The following PCDHGB3 variants were observed in gnomAD, a reference collection of about 807,000 sequenced individuals.
PCDHGB3 encodes the protein protocadherin gamma-B3.
A neutral mutation model predicts 59.2 loss-of-function variants in PCDHGB3; 40 were observed. The ratio of observed to expected loss-of-function variants is 0.68; its 90% confidence interval spans 0.52 to 0.88. The LOEUF (loss-of-function observed/expected upper bound fraction) is 0.88. PCDHGB3 is among the 40% of genes least tolerant of loss of function. The pLI is 0.00. For synonymous variants in PCDHGB3, 581 were observed against 503.6 expected, an observed-to-expected ratio of 1.15 and a Z score of -2.06; for missense variants, 1,309 against 1,187.9, an observed-to-expected ratio of 1.10 and a Z score of -1.50.
Position 141,477,310 on chromosome 5 carries a change from C to T in PCDHGB3, c.2416-17497C>T. On this transcript the variant is annotated intron_variant, in intron 1 of 3. Coordinates refer to ENST00000576222, the MANE Select transcript of PCDHGB3 (RefSeq NM_018924.5). This position sits in a 1 kb window ranked among gnomAD's most constrained non-coding sequence, Gnocchi z 4.9. ...AAGTTCCACCGGGTCTCCCTTTCAGCCTTACTTCTTCCCTCAAGAATTACT... is the reference window on the plus strand; with the variant it reads ...AAGTTCCACCGGGTCTCCCTTTCAGTCTTACTTCTTCCCTCAAGAATTACT... The T allele has an allele frequency of 6.2e-7, 1 of 1,614,154 alleles. No homozygotes were observed. Among genetic ancestry groups the T allele is most frequent in the Non-Finnish European group, 8.5e-7 (1 of 1,180,018 alleles).
rs761468303 is a variant in PCDHGB3 at position 141,421,659 on chromosome 5, T to C, written c.2415+48850T>C. 4 of 1,613,700 alleles carry C rather than the reference T, an allele frequency of 2.5e-6. No individual in the cohort carries two copies. The Admixed American group carries it at 6.7e-5, about 27-fold the overall frequency. On this transcript the variant is annotated intron_variant, in intron 1 of 3. Transcript: ENST00000576222. ...AGGACGAAGTGGAGATAAAAGTCAG[T>C]GAGCACGCAATTCCTGGGGCGCGAT...
chr5:141,421,309 C>T (rs781110850), intron 1 of PCDHGB3: 9 of 1,613,516 alleles, frequency 5.6e-6, no homozygotes, highest in Admixed American at 1.7e-5. Context: ...GCGGGGGTTC[C>T]GGGCCAGGCA....
chr5:141,422,901 C>T (rs768086403), intron 1 of PCDHGB3: 5 of 1,614,276 alleles, frequency 3.1e-6, no homozygotes, highest in Non-Finnish European at 4.2e-6. Context: ...ACCAGAACGA[C>T]AATGCGCCCG....
At chr5:141,372,937 GGGTGTCTAGGA>G (rs538849819) in intron 1 of PCDHGB3, 128 bp downstream of exon 1, 1 of 831,292 alleles carries the variant, frequency 1.2e-6, no homozygotes, top group East Asian at 2.7e-5. Flanking sequence ...GTGTAGAGTA[GGGTGTCTAGGA>G]AATTCTTTGT....
chr5:141,374,126 C>T, intron 1 of PCDHGB3: 1 of 1,602,982 alleles, frequency 6.2e-7, no homozygotes, highest in Middle Eastern at 1.7e-4. Flanking sequence ...CGAGCAGGTC[C>T]TGCTCCTCAC....
intron 1 of PCDHGB3, among the ~76,000 whole-genome samples, chr5:141,430,204 AATT>A (rs1179966513): frequency 6.6e-6 from 1 of 151,962 alleles, no homozygotes; most frequent in African/African-American, 2.4e-5. Context: ...AGAAAGTTTA[AATT>A]ATTATATTAT....
Position 141,393,770 on chromosome 5 carries a change from A to G in PCDHGB3, c.2415+20961A>G, listed in dbSNP as rs372280460. 83 of 1,613,864 alleles carry G rather than the reference A, an allele frequency of 5.1e-5. 1 individual carries two copies. Among genetic ancestry groups the G allele is most frequent in the Middle Eastern group, 1.6e-4 (1 of 6,084 alleles). On this transcript the variant is annotated intron_variant, in intron 1 of 3. Transcript: ENST00000576222. ...AATGTTCATTTTATGAAATGGAAAT[A>G]CAAGCCGAAGATGTGGGGGCACTTC... is the stretch of plus-strand genomic sequence containing the variant.
chr5:141,370,971 G>T lies in PCDHGB3; in HGVS notation c.577G>T (p.Glu193Ter). The T allele has an allele frequency of 6.2e-7, 1 of 1,614,016 alleles. No homozygotes were observed. The highest frequency in any genetic ancestry group is 8.5e-7 in the Non-Finnish European group (1 of 1,179,898). ...GAACCTGGATGGCAGTAGGTACCCAGAGCTAGTACTGAAAGCACCCCTGGA... is the reference window on the plus strand; with the variant it reads ...GAACCTGGATGGCAGTAGGTACCCATAGCTAGTACTGAAAGCACCCCTGGA... The part of the protein sequence containing the change: ...KENLDGSRYP[E>*]LVLKAPLDRE... The change falls in exon 1 of 4, where the codon GAG (glutamate) becomes TAG (stop). Residue 193 changes from glutamate (E) to a stop codon, truncating the protein, a stop_gained. Transcript: ENST00000576222. LOFTEE classifies it high-confidence loss of function.
intron 1 of PCDHGB3, chr5:141,421,647 G>C: frequency 6.2e-7 from 1 of 1,613,872 alleles, no homozygotes; most frequent in South Asian, 1.1e-5. Context: ...ACGAAGTGGA[G>C]ATAAAAGTCA....
At chr5:141,464,600 C>T (rs970370250) in intron 1 of PCDHGB3, among the ~76,000 whole-genome samples, 24 of 152,118 alleles carry the variant, frequency 1.6e-4, no homozygotes, top group Admixed American at 1.1e-3. Flanking sequence ...CCATAGTCTC[C>T]TTTGCAGAGT....
In PCDHGB3 at chr5:141,408,035, C is replaced by T. The variant is rs886766467; in HGVS notation, c.2415+35226C>T. On this transcript the variant is annotated intron_variant, in intron 1 of 3. Transcript: ENST00000576222. ...CAGCCAACAACAGAAAGAAGAAAAC[C>T]AGCTCCCACACAGAGCCTCCCGGCT... 7.1e-6 allele frequency: 8 copies of T among 1,130,910 alleles called. No homozygotes were observed. The African/African-American group carries it at 7.8e-5, about 11-fold the overall frequency. 70.1% of individuals were successfully genotyped at this position (1,130,910 alleles called of 1,614,324 possible).
At position 141,477,572 on chromosome 5, in the gene PCDHGB3, G is replaced by A. The variant is rs375416133; in HGVS notation, c.2416-17235G>A. The A allele has an allele frequency of 6.2e-7, 1 of 1,614,112 alleles. No homozygotes were observed. The highest frequency in any genetic ancestry group is 8.5e-7 in the Non-Finnish European group (1 of 1,180,030). On this transcript the variant is annotated intron_variant, in intron 1 of 3. Coordinates refer to ENST00000576222, the MANE Select transcript of PCDHGB3 (RefSeq NM_018924.5). This position sits in a 1 kb window ranked among gnomAD's most constrained non-coding sequence, Gnocchi z 4.9. ...AAACCTAAGTGTCTGGGACCCCGAC[G>A]CCCCGCAGAATGCTCGGCTTTCTTT...
chr5:141,505,249 G>T, intron 2 of PCDHGB3, 144 bp from the exon 3 acceptor site: 1 of 1,447,748 alleles, frequency 6.9e-7, no homozygotes, highest in Non-Finnish European at 9.2e-7. Flanking sequence ...GATTGTAGAA[G>T]TGCCTCCTAC....
rs193144866 is a variant in PCDHGB3 at position 141,382,042 on chromosome 5, T to C, written c.2415+9233T>C. ...CGGGGTTTCTCCATGTTGGTCAGGC[T>C]GGTCTCAAGCTCCCGACCTCAGGTG... On this transcript the variant is annotated intron_variant, in intron 1 of 3. Coordinates refer to ENST00000576222, the MANE Select transcript of PCDHGB3 (RefSeq NM_018924.5). 9.8e-3 allele frequency among the ~76,000 whole-genome samples: 1,492 copies of C among 152,104 alleles called. 23 individuals carry two copies. Among genetic ancestry groups the C allele is most frequent in the African/African-American group, 0.034 (1,390 of 41,456 alleles).
At chr5:141,433,847 A>AAAAAAAC (rs1296633381) in intron 1 of PCDHGB3, among the ~76,000 whole-genome samples, 1 of 151,976 alleles carries the variant, frequency 6.6e-6, no homozygotes, top group Non-Finnish European at 1.5e-5. Flanking sequence ...CAAAAAAAAA[A>AAAAAAAC]AAAAAAAACT....
At chr5:141,399,183 T>A (rs777520935) in intron 1 of PCDHGB3, 4 of 1,613,764 alleles carry the variant, frequency 2.5e-6, no homozygotes, top group Non-Finnish European at 3.4e-6. Context: ...TTGAAATGAT[T>A]CTGGAAAACG....
intron 1 of PCDHGB3, chr5:141,373,979 C>A: frequency 9.0e-7 from 1 of 1,107,704 alleles, no homozygotes; most frequent in Non-Finnish European, 1.2e-6. Context: ...CGCATCCGGT[C>A]TCTGCTTGTT....
intron 1 of PCDHGB3, chr5:141,405,552 G>A (rs2094685427): frequency 1.6e-6 from 1 of 623,718 alleles, no homozygotes. Context: ...CCCAAGTAGA[G>A]TAGCTGGGAC....
chr5:141,428,013 C>T, intron 1 of PCDHGB3: 4 of 1,603,660 alleles, frequency 2.5e-6, no homozygotes, highest in Non-Finnish European at 3.4e-6. Flanking sequence ...CGATATAGTG[C>T]CACGCGCCGC....
Sources: allele counts gnomAD v4.1 joint callset (sites outside exome capture counted in the v4.1 genomes callset), GRCh38; gene constraint gnomAD v4.1.1; non-coding constraint Gnocchi (gnomAD v3.1); transcripts MANE v1.5; gene names NCBI Gene and HGNC (gene_info 2026-07-23, HGNC 2026-07-21).